The following NCAM2 variants were observed in gnomAD, a reference collection of about 807,000 sequenced individuals.
NCAM2 encodes the protein neural cell adhesion molecule 2, also known as N-CAM-2.
A neutral mutation model predicts 98.1 loss-of-function variants in NCAM2; 30 were observed. That is an observed-to-expected ratio of 0.31 (90% CI 0.23 to 0.41). The LOEUF is 0.41. NCAM2 is among the 10% of genes least tolerant of loss of function. NCAM2 has a pLI of 1.00. For synonymous variants in NCAM2, 368 were observed against 342.4 expected (o/e 1.07, Z -0.83); for missense variants, 867 against 1,005.8 (o/e 0.86, Z 1.87).
intron 8 of NCAM2, among the ~76,000 whole-genome samples, chr21:21,361,320 C>A (rs1274445174): frequency 6.6e-6 from 1 of 152,062 alleles, no homozygotes; most frequent in East Asian, 1.9e-4. Context: ...GAACATACTC[C>A]AGTTAGATTT....
At chr21:21,527,809 A>G (rs542120413) in intron 16 of NCAM2, among the ~76,000 whole-genome samples, 14 of 152,342 alleles carry the variant, frequency 9.2e-5, no homozygotes, top group Admixed American at 3.9e-4. Context: ...GAAAATAAAT[A>G]TACTCTTACC....
intron 1 of NCAM2, among the ~76,000 whole-genome samples, chr21:21,200,385 TC>T: frequency 7.0e-6 from 1 of 143,396 alleles, no homozygotes; most frequent in South Asian, 2.3e-4. Flanking sequence ...TTCTGAGAAT[TC>T]CAAGTAAGAC....
intron 1 of NCAM2, among the ~76,000 whole-genome samples, chr21:21,136,890 G>A (rs963967205): frequency 9.7e-6 from 1 of 103,036 alleles, no homozygotes; most frequent in African/African-American, 3.6e-5. Flanking sequence ...AATGTTAATA[G>A]TAAATAATTG....
chr21:21,399,079 G>A (rs532982437), intron 9 of NCAM2, among the ~76,000 whole-genome samples: 1 of 152,296 alleles, frequency 6.6e-6, no homozygotes, highest in South Asian at 2.1e-4. Flanking sequence ...AGACATCTGA[G>A]TGTCAGTGAG....
At chr21:21,469,548 A>G (rs536949966) in intron 14 of NCAM2, among the ~76,000 whole-genome samples, 2 of 152,154 alleles carry the variant, frequency 1.3e-5, no homozygotes, top group Admixed American at 1.3e-4. Flanking sequence ...CATGCGTTTT[A>G]TGCTTATGTT....
chr21:21,452,890 T>C (rs1462726158), intron 12 of NCAM2, among the ~76,000 whole-genome samples: 16 of 103,482 alleles, frequency 1.5e-4, no homozygotes, highest in African/African-American at 6.4e-4. Flanking sequence ...CATTATATAT[T>C]ATATAATATA....
At chr21:21,018,265 G>T (rs1257300202) in intron 1 of NCAM2, among the ~76,000 whole-genome samples, 1 of 152,172 alleles carries the variant, frequency 6.6e-6, no homozygotes, top group Non-Finnish European at 1.5e-5. Flanking sequence ...CATAATTGAT[G>T]ATGTTTTCCA....
At chr21:21,441,503 A>C (rs1979268395) in intron 12 of NCAM2, among the ~76,000 whole-genome samples, 1 of 152,236 alleles carries the variant, frequency 6.6e-6, no homozygotes, top group Non-Finnish European at 1.5e-5. Context: ...TATATCAATG[A>C]ATGAAACAAA....
chr21:21,246,177 G>A lies in NCAM2; in HGVS notation c.56-34401G>A, dbSNP rs1035463680. On this transcript the variant is annotated intron_variant, in intron 1 of 17. Transcript: ENST00000400546. The stretch of plus-strand genomic sequence containing the variant: ...ATGCCACTCAACCAGCCCATGAAGA[G>A]TCTCATGGGAATTGAGGTTTCTTAC... Among the ~76,000 whole-genome samples, 4 of 152,128 alleles carry A rather than the reference G, an allele frequency of 2.6e-5. No homozygotes were observed. The South Asian group carries it at 6.2e-4, about 24-fold the overall frequency.
At chr21:21,011,793 CA>C (rs1172197224) in intron 1 of NCAM2, among the ~76,000 whole-genome samples, 1 of 151,356 alleles carries the variant, frequency 6.6e-6, no homozygotes, top group Non-Finnish European at 1.5e-5. Context: ...ATCAAGAAAA[CA>C]AATAACCCAA....
intron 9 of NCAM2, among the ~76,000 whole-genome samples, 176 bp downstream of exon 9, chr21:21,374,189 A>AGG (rs1568992834): frequency 6.6e-6 from 1 of 151,520 alleles, no homozygotes; most frequent in African/African-American, 2.4e-5. Flanking sequence ...TGGAAATTAC[A>AGG]GGATATTTCA....
chr21:21,490,277 A>G (rs1986740254), intron 15 of NCAM2, among the ~76,000 whole-genome samples: 1 of 152,026 alleles, frequency 6.6e-6, no homozygotes, highest in African/African-American at 2.4e-5. Context: ...GAATTCTATT[A>G]GTGTTTCTGA....
rs963532366 is a variant in NCAM2 at position 21,409,358 on chromosome 21, G to GT, written c.1196-915dup. Among the ~76,000 whole-genome samples, 56 of 152,190 alleles carry GT rather than the reference G, an allele frequency of 3.7e-4. 1 individual carries two copies. The South Asian group carries it at 6.4e-3, about 17-fold the overall frequency. On this transcript the variant is annotated intron_variant, in intron 9 of 17. Coordinates refer to ENST00000400546, the MANE Select transcript of NCAM2 (RefSeq NM_004540.5). ...GACCTGAAAAAATTGATAGGGAATC[G>GT]TAAGAATAGGAACTGGTTACTTTTC... is the stretch of plus-strand genomic sequence containing the variant.
chr21:21,034,920 A>G (rs539384762), intron 1 of NCAM2, among the ~76,000 whole-genome samples: 1 of 152,296 alleles, frequency 6.6e-6, no homozygotes, highest in Non-Finnish European at 1.5e-5. Flanking sequence ...AACTTTTCAT[A>G]AGAAATCTCA....
intron 1 of NCAM2, among the ~76,000 whole-genome samples, chr21:21,127,156 A>G (rs545932692): frequency 1.4e-4 from 21 of 152,058 alleles, no homozygotes; most frequent in African/African-American, 5.1e-4. Flanking sequence ...GATAATCCTT[A>G]AATACATTAT....
intron 5 of NCAM2, among the ~76,000 whole-genome samples, chr21:21,322,744 T>C (rs2074409127): frequency 1.3e-5 from 2 of 152,130 alleles, no homozygotes; most frequent in South Asian, 4.1e-4. Flanking sequence ...TTCTGAGAAA[T>C]ATCTGAGGGT....
intron 1 of NCAM2, among the ~76,000 whole-genome samples, chr21:21,128,750 TAAG>T (rs1569053915): frequency 6.6e-6 from 1 of 152,134 alleles, no homozygotes; most frequent in African/African-American, 2.4e-5. Context: ...TGTGAAGAGT[TAAG>T]AAATTATTTG....
Position 21,410,416 on chromosome 21 carries a change from G to T in NCAM2, c.1338G>T (p.Thr446=). 3 of 1,593,000 alleles carry T rather than the reference G, an allele frequency of 1.9e-6. No individual in the cohort carries two copies. In the South Asian group the frequency reaches 3.4e-5, roughly 18 times the overall value. ...RDKLVLPAKN[T]TNLKTYSTGR... ...AATTAGTCTTACCTGCTAAAAACAC[G>T]ACCAATTTAAAGACTTATAGTACAG... Residue 446 remains threonine, a synonymous_variant, in exon 10 of 18, where the codon ACG becomes ACT. Coordinates refer to ENST00000400546, the MANE Select transcript of NCAM2 (RefSeq NM_004540.5).
intron 4 of NCAM2, among the ~76,000 whole-genome samples, chr21:21,290,676 G>A (rs1192388611): frequency 1.3e-5 from 2 of 151,874 alleles, no homozygotes; most frequent in South Asian, 2.1e-4. Flanking sequence ...GGGAGCCTCT[G>A]AATCTGTGCA....
Sources: gnomAD v4.1 joint callset for allele counts (sites outside exome capture counted in the v4.1 genomes callset) on GRCh38, gnomAD v4.1.1 for gene constraint, MANE v1.5 for transcripts, NCBI Gene and HGNC (gene_info 2026-07-23, HGNC 2026-07-21) for gene names.